Variants in GALK2 observed in about 807,000 individuals in gnomAD.
GALK2 encodes the protein galactokinase 2.
In GALK2, 36 loss-of-function variants were observed where a neutral mutation model predicts 52.4. The observed-to-expected ratio is 0.69, with a 90% CI of 0.53 to 0.91. GALK2 has a LOEUF of 0.91. GALK2 is among the 40% of genes least tolerant of loss of function. The pLI, the probability that GALK2 is intolerant of heterozygous loss-of-function variation, is 0.00. For missense variants in GALK2, 579 were observed against 559.1 expected, an observed-to-expected ratio of 1.04 and a Z score of -0.36; for synonymous variants, 176 against 199.1, an observed-to-expected ratio of 0.88 and a Z score of 0.98.
chr15:49,321,385 C>A (rs540145110), intron 9 of GALK2, among the ~76,000 whole-genome samples: 2 of 152,084 alleles, frequency 1.3e-5, no homozygotes, highest in East Asian at 3.9e-4. Context: ...TGTAGGCCAT[C>A]GGAAGGCTTC....
chr15:49,298,437 A>G (rs1156684103), intron 8 of GALK2, among the ~76,000 whole-genome samples: 6 of 152,124 alleles, frequency 3.9e-5, no homozygotes, highest in Non-Finnish European at 8.8e-5. Context: ...TGCTGTGGCT[A>G]GGACCTCCAA....
chr15:49,289,605 G>C (rs2033728576), intron 7 of GALK2, among the ~76,000 whole-genome samples: 1 of 152,118 alleles, frequency 6.6e-6, no homozygotes, highest in East Asian at 1.9e-4. Flanking sequence ...AAATACTTTG[G>C]CTTTCTTGCC....
At chr15:49,238,919 TACTC>T (rs551624541) in intron 4 of GALK2, among the ~76,000 whole-genome samples, 9 of 152,300 alleles carry the variant, frequency 5.9e-5, no homozygotes, top group Admixed American at 3.9e-4. Context: ...AATCAATTAA[TACTC>T]AAGAAAAAGA....
chr15:49,197,571 G>T (rs1242446017), intron 1 of GALK2, among the ~76,000 whole-genome samples: 1 of 152,076 alleles, frequency 6.6e-6, no homozygotes. Flanking sequence ...TAGCATGAAG[G>T]TAGTTTTATA....
chr15:49,210,956 G>GTCACACACACACAC (rs2088812568), intron 2 of GALK2, among the ~76,000 whole-genome samples: 1 of 87,466 alleles, frequency 1.1e-5, no homozygotes, highest in South Asian at 3.9e-4. Flanking sequence ...AATGTTGGCT[G>GTCACACACACACAC]TCACACACAC....
chr15:49,201,166 C>A lies in GALK2; in HGVS notation c.58C>A (p.Leu20Met). The A allele has an allele frequency of 6.3e-7, 1 of 1,584,070 alleles. No individual in the cohort carries two copies. Among genetic ancestry groups the A allele is most frequent in the Non-Finnish European group, 8.7e-7 (1 of 1,154,364 alleles). ...RVQVAEHPRL[L>M]KLKEMFNSKF... Reference sequence around the variant, plus strand: ...ATATTGTACTTTTATTTTCAGGTTACTGAAGCTAAAGGAGATGTTTAACTC... The same window carrying A: ...ATATTGTACTTTTATTTTCAGGTTAATGAAGCTAAAGGAGATGTTTAACTC... The change falls in exon 2 of 10, where the codon CTG becomes ATG. Residue 20 changes from leucine to methionine, a missense_variant. Physicochemically the swap from Leu to Met is conservative, Grantham distance 15. Coordinates refer to ENST00000560031, the MANE Select transcript of GALK2 (RefSeq NM_002044.4).
chr15:49,322,724 A>G (rs373914791), intron 9 of GALK2, among the ~76,000 whole-genome samples: 50 of 152,120 alleles, frequency 3.3e-4, no homozygotes, highest in South Asian at 1.7e-3. Context: ...TTGGGAGGCC[A>G]AGGCGGGCAG....
chr15:49,298,578 T>C (rs927593667), intron 8 of GALK2, among the ~76,000 whole-genome samples: 6 of 152,172 alleles, frequency 3.9e-5, no homozygotes, highest in Non-Finnish European at 8.8e-5. Context: ...TATTTTGAGG[T>C]ATGTTCCTTT....
intron 1 of GALK2, among the ~76,000 whole-genome samples, chr15:49,194,708 G>T (rs1271060812): frequency 1.3e-5 from 2 of 150,300 alleles, no homozygotes; most frequent in East Asian, 3.9e-4. Context: ...TGATTCTCCT[G>T]CCTCAGCCTC....
At chr15:49,317,292 CA>C (rs537292669) in intron 8 of GALK2, among the ~76,000 whole-genome samples, 13 of 151,182 alleles carry the variant, frequency 8.6e-5, no homozygotes, top group Non-Finnish European at 1.8e-4. Flanking sequence ...TTTATGCGGC[CA>C]AAAAACGTGA....
rs1348695131 is a variant in GALK2 at position 49,361,476 on chromosome 15, C to A, written c.427-6015C>A. Among the ~76,000 whole-genome samples the A allele has an allele frequency of 2.6e-5, 4 of 152,136 alleles. No individual in the cohort carries two copies. In the East Asian group the frequency reaches 7.7e-4, roughly 29 times the overall value. ...ACATGTACTCAATGTTTAGCTCCTA[C>A]TTATTAGTGAGAACATGTGGTTTTA... On this transcript the variant is annotated intron_variant, in intron 3 of 3. Coordinates refer to the GALK2 transcript ENST00000558399.
chr15:49,292,416 G>A lies in GALK2; in HGVS notation c.846G>A (p.Met282Ile). ...AACTAGGGATTAGTCTAGAAGAAAT[G>A]CTGTTGGTCACAGAAGATGCCCTTC... ...QAKLGISLEEMLLVTEDALHP... is the reference protein window; with the variant it reads ...QAKLGISLEEILLVTEDALHP... Residue 282 changes from methionine (M) to isoleucine (I), a missense_variant, in exon 8 of 10, where the codon ATG becomes ATA. Transcript: ENST00000560031. The A allele has an allele frequency of 6.2e-7, 1 of 1,614,038 alleles. No homozygotes were observed. The highest frequency in any genetic ancestry group is 2.2e-5 in the East Asian group (1 of 44,882).
chr15:49,174,667 T>C (rs184879125), intron 1 of GALK2, among the ~76,000 whole-genome samples: 1 of 152,262 alleles, frequency 6.6e-6, no homozygotes, highest in Admixed American at 6.5e-5. Flanking sequence ...TTTTAGAAAC[T>C]CTTTTTATAT....
chr15:49,308,285 T>C (rs1404536919), intron 8 of GALK2, among the ~76,000 whole-genome samples: 1 of 152,198 alleles, frequency 6.6e-6, no homozygotes, highest in East Asian at 1.9e-4. Context: ...CTAGTGGAGC[T>C]TTCTATTTGT....
At chr15:49,194,743 G>T (rs370063025) in intron 1 of GALK2, among the ~76,000 whole-genome samples, 1 of 151,388 alleles carries the variant, frequency 6.6e-6, no homozygotes. Context: ...TTACAAGCAC[G>T]TGCCACCATG....
At chr15:49,224,092 G>A (rs750690048) in intron 3 of GALK2, among the ~76,000 whole-genome samples, 1 of 152,064 alleles carries the variant, frequency 6.6e-6, no homozygotes, top group Non-Finnish European at 1.5e-5. Flanking sequence ...ATTCTGACTG[G>A]AGTGAGATGG....
At chr15:49,250,193 A>G (rs1197782379) in intron 5 of GALK2, among the ~76,000 whole-genome samples, 2 of 152,172 alleles carry the variant, frequency 1.3e-5, no homozygotes, top group African/African-American at 4.8e-5. Context: ...GCACCGGGGA[A>G]CAAGCATTTC....
upstream of GALK2, among the ~76,000 whole-genome samples, chr15:49,167,467 C>G (rs2084858889): frequency 2.0e-5 from 3 of 152,120 alleles, no homozygotes; most frequent in South Asian, 2.1e-4. Context: ...AAGCGATTCT[C>G]CCGCCTCAGC....
chr15:49,299,762 T>TCTTTC (rs2034897127), intron 8 of GALK2, among the ~76,000 whole-genome samples: 3 of 142,184 alleles, frequency 2.1e-5, no homozygotes, highest in African/African-American at 5.5e-5. Flanking sequence ...TTTCTTTCTT[T>TCTTTC]CTTTCTTTCT....
Sources: gnomAD v4.1 joint callset for allele counts (sites outside exome capture counted in the v4.1 genomes callset) on GRCh38, gnomAD v4.1.1 for gene constraint, MANE v1.5 for transcripts, NCBI Gene and HGNC (gene_info 2026-07-23, HGNC 2026-07-21) for gene names.